CCDC57: variants seen among roughly 807,000 people sequenced by gnomAD.
CCDC57 encodes coiled-coil domain-containing protein 57.
CCDC57 carries 118 observed loss-of-function variants against 118.9 expected under a neutral mutation model. The observed-to-expected ratio is 0.99, with a 90% CI of 0.86 to 1.16. The LOEUF (loss-of-function observed/expected upper bound fraction) is 1.16, where lower values mean the gene tolerates loss of function less well. CCDC57 is among the 50% of genes most tolerant of loss of function. The pLI, the probability that CCDC57 is intolerant of heterozygous loss-of-function variation, is 0.00. For synonymous variants in CCDC57, 527 were observed against 532.9 expected (o/e 0.99, Z 0.15); for missense variants, 1,300 against 1,320.7 (o/e 0.98, Z 0.24).
At chr17:82,188,221 G>A (rs1435371782) in exon 8 of CCDC57, 32 of 1,547,620 alleles carry the variant, frequency 2.1e-5, no homozygotes, top group Non-Finnish European at 2.8e-5. Context: ...ACGCTCACTG[G>A]TCAATGGCAG....
At chr17:82,151,822 G>A (rs1237530252) in intron 15 of CCDC57, 49 bp from the exon 15 acceptor site, 3 of 1,507,816 alleles carry the variant, frequency 2.0e-6, no homozygotes, top group East Asian at 2.5e-5. Flanking sequence ...GCCCTCATGG[G>A]AGGACGCCAG....
intron 14 of CCDC57, among the ~76,000 whole-genome samples, chr17:82,158,184 C>T (rs2042899247): frequency 6.6e-6 from 1 of 152,226 alleles, no homozygotes; most frequent in African/African-American, 2.4e-5. Flanking sequence ...CTCTGGACTC[C>T]TAGGCTGGTG....
rs989998243 is a variant in CCDC57 at position 82,191,558 on chromosome 17, T to C, written c.851+2198A>G. ...CTTCCACCTCCTCCACCTCTGCCACTCCAGAGACAGCCCATCCTCTGCCTC... is the reference window on the plus strand; with the variant it reads ...CTTCCACCTCCTCCACCTCTGCCACCCCAGAGACAGCCCATCCTCTGCCTC... On this transcript the variant is annotated intron_variant, in intron 7 of 19. Coordinates refer to ENST00000665763, the Ensembl canonical transcript of CCDC57. 4.6e-5 allele frequency among the ~76,000 whole-genome samples: 7 copies of C among 152,186 alleles called. No homozygotes were observed. In the East Asian group the frequency reaches 1.3e-3, roughly 29 times the overall value.
chr17:82,105,611 C>T (rs900055800), intron 19 of CCDC57, among the ~76,000 whole-genome samples: 2 of 152,176 alleles, frequency 1.3e-5, no homozygotes, highest in African/African-American at 4.8e-5. Context: ...GACACCCCCA[C>T]CCCTGAGCTC....
At chr17:82,148,716 GTGGA>G (rs1170263351) in intron 16 of CCDC57, among the ~76,000 whole-genome samples, 6 of 96,326 alleles carry the variant, frequency 6.2e-5, no homozygotes, top group African/African-American at 1.9e-4. Context: ...AGACGGATGG[GTGGA>G]TGGATACATG....
exon 3 of CCDC57, chr17:82,201,924 C>A (rs762510656): frequency 6.3e-7 from 1 of 1,598,158 alleles, no homozygotes; most frequent in South Asian, 1.1e-5. Flanking sequence ...TCAGGGCGGG[C>A]TCTGAGCCCA....
At chr17:82,103,034 A>T (rs2034573124) in intron 19 of CCDC57, among the ~76,000 whole-genome samples, 1 of 152,242 alleles carries the variant, frequency 6.6e-6, no homozygotes, top group Admixed American at 6.5e-5. Context: ...TGACCCAGGC[A>T]GGTCAGCGGG....
intron 15 of CCDC57, chr17:82,157,289 G>T: frequency 3.9e-6 from 1 of 254,338 alleles, no homozygotes; most frequent in Non-Finnish European, 6.6e-6. Flanking sequence ...TGGAGCAGCT[G>T]TGTGGCTCTG....
chr17:82,161,262 T>C (rs9915071), intron 14 of CCDC57, among the ~76,000 whole-genome samples: 71,112 of 151,900 alleles, frequency 0.47, 17,443 homozygotes, highest in East Asian at 0.88. Context: ...GGAGGTAAAA[T>C]CGTGTGGCTG....
At chr17:82,199,713 C>T (rs991944817) in intron 3 of CCDC57, among the ~76,000 whole-genome samples, 38 of 152,270 alleles carry the variant, frequency 2.5e-4, no homozygotes, top group East Asian at 1.9e-3. Flanking sequence ...ACGGACTCGG[C>T]GCCCAGACGA....
rs368209009 is a variant in CCDC57 at position 82,201,665 on chromosome 17, C to T, written c.280G>A (p.Glu94Lys). 17 of 1,613,250 alleles carry T rather than the reference C, an allele frequency of 1.1e-5. No homozygotes were observed. The highest frequency in any genetic ancestry group is 6.7e-5 in the Admixed American group (4 of 60,002). The stretch of plus-strand genomic sequence containing the variant: ...AGCTTAGCTGCCTCTATCTTGAGCT[C>T]GCTCACCTCTGCCCGCCTGGCCTCT... The change falls in exon 3 of 20, where the codon GAG becomes AAG. Residue 94 changes from glutamate to lysine, a missense_variant. By Grantham distance (56) the Glu-to-Lys change is moderately conservative. Coordinates refer to ENST00000665763, the Ensembl canonical transcript of CCDC57.
chr17:82,133,279 T>G (rs2038678292), intron 17 of CCDC57, among the ~76,000 whole-genome samples: 1 of 151,032 alleles, frequency 6.6e-6, no homozygotes, highest in African/African-American at 2.4e-5. Flanking sequence ...AAGGCTGAGG[T>G]GGGAGGATCA....
intron 13 of CCDC57, among the ~76,000 whole-genome samples, chr17:82,170,006 G>A (rs1331025401): frequency 6.6e-6 from 1 of 152,156 alleles, no homozygotes; most frequent in Non-Finnish European, 1.5e-5. Context: ...AAGGGCAGAT[G>A]ATCCAATAAA....
At position 82,173,850 on chromosome 17, in the gene CCDC57, G is replaced by A. The variant is rs376430453; in HGVS notation, c.1507-990C>T. On this transcript the variant is annotated intron_variant, in intron 11 of 19. Coordinates refer to ENST00000665763, the Ensembl canonical transcript of CCDC57. ...CGGTGCAGGAGGAGAGACAGGCCCCGCCCACCCAGTTCCTAGGGAGAGGGA... is the reference window on the plus strand; with the variant it reads ...CGGTGCAGGAGGAGAGACAGGCCCCACCCACCCAGTTCCTAGGGAGAGGGA... 2.6e-5 allele frequency among the ~76,000 whole-genome samples: 4 copies of A among 152,198 alleles called. No homozygotes were observed. The East Asian group carries it at 5.8e-4, about 22-fold the overall frequency.
At chr17:82,196,705 C>A (rs1239545058) in intron 4 of CCDC57, among the ~76,000 whole-genome samples, 1 of 152,178 alleles carries the variant, frequency 6.6e-6, no homozygotes, top group African/African-American at 2.4e-5. Flanking sequence ...CTTACACCTA[C>A]CTGCATAGAC....
Position 82,194,557 on chromosome 17 carries a change from G to A in CCDC57, c.619-418C>T, listed in dbSNP as rs558003731. ...ACTCCTGACCTCAGGTGATCCACCC[G>A]CCTCAGCCTCCCAATGTGCTGGGAT... On this transcript the variant is annotated intron_variant, in intron 5 of 19. Transcript: ENST00000665763. 1.1e-3 allele frequency among the ~76,000 whole-genome samples: 173 copies of A among 152,060 alleles called. 1 individual carries two copies. The highest frequency in any genetic ancestry group is 3.9e-3 in the African/African-American group (160 of 41,478).
chr17:82,183,248 G>C (rs1282951619), intron 9 of CCDC57, among the ~76,000 whole-genome samples: 1 of 152,188 alleles, frequency 6.6e-6, no homozygotes, highest in African/African-American at 2.4e-5. Flanking sequence ...ATGTGTATGG[G>C]AAATAGAATG....
At position 82,198,442 on chromosome 17, in the gene CCDC57, T is replaced by C; in HGVS notation, c.408-20A>G. The C allele has an allele frequency of 3.4e-6, 5 of 1,483,680 alleles. No homozygotes were observed. The highest frequency in any genetic ancestry group is 2.8e-5 in the African/African-American group (2 of 71,640). The allele number at this position is 1,483,680 out of a possible 1,614,324, so 91.9% of individuals were successfully genotyped here. A position where few individuals can be genotyped will look rare whatever the true frequency, so the allele number is the denominator to read the frequency against. ...TTGTCACTATGGTAATAAAACAGCA[T>C]TAAGAAAAGCCATACCAAATATTCA... On this transcript the variant is annotated intron_variant, in intron 3 of 19. Coordinates refer to ENST00000665763, the Ensembl canonical transcript of CCDC57.
chr17:82,209,762 C>A (rs1180532380), intron 1 of CCDC57, among the ~76,000 whole-genome samples: 1 of 152,206 alleles, frequency 6.6e-6, no homozygotes, highest in Non-Finnish European at 1.5e-5. Flanking sequence ...GGTGGGACTA[C>A]AGGCGTGAGC....
Sources: gnomAD v4.1 joint callset for allele counts (sites outside exome capture counted in the v4.1 genomes callset) on GRCh38, gnomAD v4.1.1 for gene constraint, MANE v1.5 for transcripts, NCBI Gene and HGNC (gene_info 2026-07-23, HGNC 2026-07-21) for gene names.